Variants in TMEM26 observed in about 807,000 individuals in gnomAD.
The protein encoded by TMEM26 is transmembrane protein 26.
A neutral mutation model predicts 28.8 loss-of-function variants in TMEM26; 38 were observed. The ratio of observed to expected loss-of-function variants is 1.32; its 90% CI spans 1.02 to 1.73. The LOEUF (loss-of-function observed/expected upper bound fraction) is 1.73, where lower values mean the gene tolerates loss of function less well. Ranked by LOEUF, TMEM26 falls within the 40% of genes most tolerant of loss-of-function variation. The pLI is 0.00. For missense variants in TMEM26, 518 were observed against 447.1 expected, an observed-to-expected ratio of 1.16 and a Z score of -1.43; for synonymous variants, 227 against 182.9, an observed-to-expected ratio of 1.24 and a Z score of -1.95.
At chr10:61,420,421 T>A (rs1054453472) in intron 4 of TMEM26, among the ~76,000 whole-genome samples, 1 of 151,944 alleles carries the variant, frequency 6.6e-6, no homozygotes, top group African/African-American at 2.4e-5. Context: ...TTTTATTTTT[T>A]AAAAATCTGC....
At chr10:61,430,285 T>G (rs183143947) in intron 3 of TMEM26, among the ~76,000 whole-genome samples, 1 of 152,088 alleles carries the variant, frequency 6.6e-6, no homozygotes, top group East Asian at 1.9e-4. Flanking sequence ...GTACATCTTA[T>G]TATTGAAAAT....
chr10:61,415,365 CT>C (rs757153588), intron 4 of TMEM26, among the ~76,000 whole-genome samples: 1 of 152,088 alleles, frequency 6.6e-6, no homozygotes, highest in Non-Finnish European at 1.5e-5. Flanking sequence ...GGAATGCAGA[CT>C]GTAGCTTTTC....
rs780966720 is a variant in TMEM26 at position 61,431,327 on chromosome 10, G to T, written c.276C>A (p.Cys92Ter). The T allele has an allele frequency of 6.2e-7, 1 of 1,612,252 alleles. No homozygotes were observed. The highest frequency in any genetic ancestry group is 8.5e-7 in the Non-Finnish European group (1 of 1,178,580). ...LLELHHETQY[C>*]SIQAEGTSQN... ...GTGATGTTCCTTCAGCCTGGATACT[G>T]CAATACTAAGAATGGGGTCAGGGAA... is the stretch of plus-strand genomic sequence containing the variant. The change falls in exon 3 of 6, where the codon TGC becomes TGA. Residue 92 changes from cysteine (C) to a stop codon, truncating the protein, a stop_gained. Transcript: ENST00000399298. LOFTEE classifies it high-confidence loss of function.
At chr10:61,428,194 G>A (rs974994812) in intron 4 of TMEM26, among the ~76,000 whole-genome samples, 1 of 152,078 alleles carries the variant, frequency 6.6e-6, no homozygotes, top group Non-Finnish European at 1.5e-5. Context: ...TTATGGCATA[G>A]TGCAAAACAA....
At chr10:61,412,106 A>G (rs1564471324) in intron 5 of TMEM26, among the ~76,000 whole-genome samples, 2 of 152,220 alleles carry the variant, frequency 1.3e-5, no homozygotes, top group East Asian at 1.9e-4. Context: ...TTCCTAAGAA[A>G]TGAGGGCCAG....
chr10:61,414,828 C>G (rs1839624477), intron 4 of TMEM26: 1 of 251,250 alleles, frequency 4.0e-6, no homozygotes, highest in Non-Finnish European at 6.3e-6. Context: ...GATTACCAAG[C>G]AGGTAATGTT....
intron 1 of TMEM26, among the ~76,000 whole-genome samples, chr10:61,452,136 T>C (rs1840294481): frequency 6.6e-6 from 1 of 152,180 alleles, no homozygotes; most frequent in South Asian, 2.1e-4. Context: ...AATCTTTTTC[T>C]CAATTATTTG....
At chr10:61,444,666 A>C (rs181130148) in intron 1 of TMEM26, among the ~76,000 whole-genome samples, 3 of 151,766 alleles carry the variant, frequency 2.0e-5, no homozygotes, top group African/African-American at 7.3e-5. Context: ...AAAAAAAAAA[A>C]AAAAACACCA....
At chr10:61,416,677 T>G (rs753241099) in intron 4 of TMEM26, among the ~76,000 whole-genome samples, 10 of 152,012 alleles carry the variant, frequency 6.6e-5, no homozygotes, top group Non-Finnish European at 1.5e-4. Flanking sequence ...TACTTCATAG[T>G]GTGGATGTAA....
rs578195738 is a variant in TMEM26, at chr10:61,451,016, G to C, written c.191+1875C>G. Among the ~76,000 whole-genome samples the C allele has an allele frequency of 2.6e-5, 4 of 152,184 alleles. No homozygotes were observed. The East Asian group carries it at 7.7e-4, about 29-fold the overall frequency. On this transcript the variant is annotated intron_variant, in intron 1 of 5. Coordinates refer to ENST00000399298, the MANE Select transcript of TMEM26 (RefSeq NM_178505.8). ...TAAGTATTCACAGGTAAGAAATTGA[G>C]GCTGAGACATTAAGTAGCCTGCTCA...
chr10:61,447,937 T>A (rs1228730515), intron 1 of TMEM26, among the ~76,000 whole-genome samples: 1 of 152,252 alleles, frequency 6.6e-6, no homozygotes, highest in African/African-American at 2.4e-5. Context: ...TATTAATTCA[T>A]CTGTTTATTA....
At chr10:61,414,951 A>T in intron 4 of TMEM26, 1 of 981,448 alleles carries the variant, frequency 1.0e-6, no homozygotes, top group Non-Finnish European at 1.2e-6. Flanking sequence ...TGTTAGGTGG[A>T]TTCCTGTGTA....
In TMEM26 at chr10:61,453,039, G is replaced by A; in HGVS notation, c.43C>T (p.Leu15=). Residue 15 remains leucine, a synonymous_variant, in exon 1 of 6, where the codon CTG becomes TTG. Transcript: ENST00000399298. ...VFLNALATRL[L]FLLHSLVGVW... ...CCGACCAGCGAGTGCAGCAGGAACA[G>A]CAACCGAGTGGCCAGGGCGTTAAGG... The A allele has an allele frequency of 6.2e-7, 1 of 1,613,780 alleles. No individual in the cohort carries two copies. The highest frequency in any genetic ancestry group is 8.5e-7 in the Non-Finnish European group (1 of 1,180,024).
chr10:61,418,409 C>A lies in TMEM26; in HGVS notation c.606-4874G>T, dbSNP rs1467384760. ...CCTTGAGAAAGATATTGTTGGTTTG[C>A]AAACTGGCAAGAGGCTGGGAAATTT... On this transcript the variant is annotated intron_variant, in intron 4 of 5. Coordinates refer to ENST00000399298, the MANE Select transcript of TMEM26 (RefSeq NM_178505.8). Among the ~76,000 whole-genome samples, 3 of 151,942 alleles carry A rather than the reference C, an allele frequency of 2.0e-5. No homozygotes were observed. The East Asian group carries it at 5.8e-4, about 29-fold the overall frequency.
At chr10:61,415,081 T>A (rs182105527) in intron 4 of TMEM26, 1 of 985,148 alleles carries the variant, frequency 1.0e-6, no homozygotes, top group African/African-American at 1.7e-5. Context: ...CACATGCACA[T>A]ATGGCATAGA....
chr10:61,452,938 C>T lies in TMEM26; in HGVS notation c.144G>A (p.Leu48=). Reference sequence around the variant, plus strand: ...TGAACTTGAGGGTGAGCGCAGTCTCCAGGAAGAGCAAGAGGTTGAGCAGCG... The same window carrying T: ...TGAACTTGAGGGTGAGCGCAGTCTCTAGGAAGAGCAAGAGGTTGAGCAGCG... ...LLALLNLLLF[L]ETALTLKFKR... is the part of the protein sequence containing the mutation. Residue 48 remains leucine (L), a synonymous_variant, in exon 1 of 6, where the codon CTG becomes CTA. Coordinates refer to ENST00000399298, the MANE Select transcript of TMEM26 (RefSeq NM_178505.8). The T allele has an allele frequency of 1.2e-6, 2 of 1,614,064 alleles. No individual in the cohort carries two copies. Among genetic ancestry groups the T allele is most frequent in the Non-Finnish European group, 1.7e-6 (2 of 1,180,010 alleles).
At chr10:61,419,244 G>A (rs947735509) in intron 4 of TMEM26, among the ~76,000 whole-genome samples, 1 of 151,936 alleles carries the variant, frequency 6.6e-6, no homozygotes, top group African/African-American at 2.4e-5. Context: ...TCTCAACAAA[G>A]GAAGTATGTG....
At chr10:61,427,598 G>T (rs1445956716) in intron 4 of TMEM26, among the ~76,000 whole-genome samples, 1 of 152,032 alleles carries the variant, frequency 6.6e-6, no homozygotes, top group Non-Finnish European at 1.5e-5. Context: ...TTCTGGATGG[G>T]ACTAACAGTC....
chr10:61,448,196 C>T (rs901769132), intron 1 of TMEM26, among the ~76,000 whole-genome samples: 1 of 152,274 alleles, frequency 6.6e-6, no homozygotes, highest in Non-Finnish European at 1.5e-5. Context: ...GGCCTTCACA[C>T]ACCTCTCTCC....
Sources: gnomAD v4.1 joint callset for allele counts (sites outside exome capture counted in the v4.1 genomes callset) on GRCh38, gnomAD v4.1.1 for gene constraint, MANE v1.5 for transcripts, NCBI Gene and HGNC (gene_info 2026-07-23, HGNC 2026-07-21) for gene names.